LRRC4C: variants seen among roughly 807,000 people sequenced by gnomAD.
The protein encoded by LRRC4C is leucine-rich repeat-containing protein 4C.
A neutral mutation model predicts 33.6 loss-of-function variants in LRRC4C; 5 were observed. The ratio of observed to expected loss-of-function variants is 0.15; its 90% CI spans 0.08 to 0.31. The LOEUF (loss-of-function observed/expected upper bound fraction) is 0.31, where lower values mean the gene tolerates loss of function less well. Ranked by LOEUF, LRRC4C falls within the 10% of genes least tolerant of loss-of-function variation. The pLI is 1.00. For synonymous variants in LRRC4C, 329 were observed against 302.0 expected, an observed-to-expected ratio of 1.09 and a Z score of -0.93; for missense variants, 560 against 796.7, an observed-to-expected ratio of 0.70 and a Z score of 3.58.
intron 2 of LRRC4C, among the ~76,000 whole-genome samples, chr11:40,721,235 A>G (rs1946997345): frequency 2.6e-5 from 4 of 152,178 alleles, no homozygotes; most frequent in African/African-American, 7.2e-5. Flanking sequence ...TCATGAGGGT[A>G]GAACACTTTT....
At chr11:40,454,437 A>T (rs1952040499) in intron 3 of LRRC4C, among the ~76,000 whole-genome samples, 1 of 151,802 alleles carries the variant, frequency 6.6e-6, no homozygotes, top group Admixed American at 6.6e-5. Context: ...TTAGAGTAAA[A>T]CTCTGACATC....
intron 1 of LRRC4C, among the ~76,000 whole-genome samples, chr11:41,201,157 G>C (rs1206338894): frequency 6.6e-6 from 1 of 152,180 alleles, no homozygotes. Context: ...CCTCCTGCTA[G>C]GCCTGTATGG....
intron 4 of LRRC4C, among the ~76,000 whole-genome samples, chr11:40,266,855 G>A (rs949269415): frequency 1.3e-5 from 2 of 152,064 alleles, no homozygotes; most frequent in Admixed American, 6.6e-5. Context: ...ATTCATGTTC[G>A]TTTCATTGCC....
intron 2 of LRRC4C, among the ~76,000 whole-genome samples, chr11:40,884,349 T>C (rs1053711688): frequency 6.6e-6 from 1 of 152,146 alleles, no homozygotes; most frequent in Non-Finnish European, 1.5e-5. Flanking sequence ...GTCTTTGCTA[T>C]TGTAAATAGT....
intron 2 of LRRC4C, among the ~76,000 whole-genome samples, chr11:40,894,492 T>C (rs1170426980): frequency 6.6e-6 from 1 of 152,150 alleles, no homozygotes; most frequent in East Asian, 1.9e-4. Context: ...TTTTTCTGAA[T>C]AGAGAAGAAA....
chr11:40,824,074 T>C (rs900907325), intron 2 of LRRC4C, among the ~76,000 whole-genome samples: 5 of 151,794 alleles, frequency 3.3e-5, no homozygotes, highest in Non-Finnish European at 7.4e-5. Context: ...TTAATAAACG[T>C]GGAATTTCCA....
chr11:40,306,940 G>C (rs1182958562), intron 4 of LRRC4C, among the ~76,000 whole-genome samples: 3 of 92,506 alleles, frequency 3.2e-5, no homozygotes, highest in Admixed American at 9.5e-5. Flanking sequence ...AAGGTTATCT[G>C]GTTTTTTTTT....
intron 5 of LRRC4C, among the ~76,000 whole-genome samples, chr11:40,195,331 T>C (rs991201308): frequency 1.3e-5 from 2 of 152,092 alleles, no homozygotes; most frequent in East Asian, 3.9e-4. Context: ...TGGATATGAA[T>C]AAACAGCCTG....
At chr11:40,552,237 T>C (rs1360886230) in intron 3 of LRRC4C, among the ~76,000 whole-genome samples, 4 of 152,220 alleles carry the variant, frequency 2.6e-5, no homozygotes, top group South Asian at 4.1e-4. Context: ...GGCTCAAACA[T>C]ACATTTGTTG....
chr11:41,150,517 C>A (rs1017933812), intron 1 of LRRC4C, among the ~76,000 whole-genome samples: 1 of 152,000 alleles, frequency 6.6e-6, no homozygotes, highest in Admixed American at 6.6e-5. Context: ...TTTTGCCAGG[C>A]GCGGTGGCTC....
chr11:40,275,486 G>A (rs1006424853), intron 4 of LRRC4C, among the ~76,000 whole-genome samples: 8 of 152,206 alleles, frequency 5.3e-5, no homozygotes, highest in Middle Eastern at 6.8e-3. Flanking sequence ...GAAGCACAAC[G>A]GAGCCCACAG....
At chr11:40,922,004 T>C (rs1957203697) in intron 2 of LRRC4C, among the ~76,000 whole-genome samples, 1 of 152,220 alleles carries the variant, frequency 6.6e-6, no homozygotes, top group African/African-American at 2.4e-5. Flanking sequence ...CAGTGTCTCA[T>C]GAGTATAACA....
chr11:40,455,540 G>A (rs1285226526), intron 3 of LRRC4C, among the ~76,000 whole-genome samples: 2 of 152,162 alleles, frequency 1.3e-5, no homozygotes, highest in Non-Finnish European at 2.9e-5. Context: ...CCTATTTCCC[G>A]TGTGCTTAAT....
intron 2 of LRRC4C, among the ~76,000 whole-genome samples, chr11:40,909,278 T>A (rs1293854918): frequency 1.3e-5 from 2 of 152,162 alleles, no homozygotes; most frequent in Non-Finnish European, 2.9e-5. Context: ...TGATTTTAAC[T>A]ATCAAGTTGA....
chr11:41,405,357 A>G (rs908910799), intron 1 of LRRC4C, among the ~76,000 whole-genome samples: 2 of 152,162 alleles, frequency 1.3e-5, no homozygotes. Context: ...CCCTTTCCAG[A>G]AAGTTTCTTC....
intron 1 of LRRC4C, among the ~76,000 whole-genome samples, chr11:41,258,383 T>C (rs1177792253): frequency 6.6e-6 from 1 of 151,970 alleles, no homozygotes; most frequent in East Asian, 1.9e-4. Context: ...TCATACCACC[T>C]ACCCTTCTCT....
intron 2 of LRRC4C, among the ~76,000 whole-genome samples, chr11:40,749,924 C>A (rs907192643): frequency 6.6e-6 from 1 of 152,014 alleles, no homozygotes; most frequent in Non-Finnish European, 1.5e-5. Context: ...AATCTACCAA[C>A]CTAAAATTAA....
intron 3 of LRRC4C, among the ~76,000 whole-genome samples, chr11:40,631,161 A>C (rs1308285399): frequency 6.6e-6 from 1 of 152,198 alleles, no homozygotes; most frequent in Non-Finnish European, 1.5e-5. Flanking sequence ...TTTCACCCTC[A>C]GAAATGAGCT....
intron 1 of LRRC4C, among the ~76,000 whole-genome samples, chr11:40,939,655 G>T (rs889374029): frequency 2.0e-5 from 3 of 152,080 alleles, no homozygotes; most frequent in African/African-American, 7.2e-5. Flanking sequence ...TATCAAAAAA[G>T]GGGCTCAAGA....
Sources: gnomAD v4.1 joint callset for allele counts (sites outside exome capture counted in the v4.1 genomes callset) on GRCh38, gnomAD v4.1.1 for gene constraint, MANE v1.5 for transcripts, NCBI Gene and HGNC (gene_info 2026-07-23, HGNC 2026-07-21) for gene names.